The following UBE3D variants were observed in gnomAD, a reference collection of about 807,000 sequenced individuals.
The protein encoded by UBE3D is ubiquitin protein ligase E3D, also known as E3 ubiquitin-protein ligase E3D.
UBE3D carries 48 observed loss-of-function variants against 49.6 expected under a neutral mutation model. That is an observed-to-expected ratio of 0.97 (90% confidence interval 0.77 to 1.23). The LOEUF is 1.23. Among genes scored for constraint, UBE3D ranks in the 50% most tolerant of loss-of-function variants. The pLI is 0.00. For synonymous variants in UBE3D, 189 were observed against 174.2 expected, an observed-to-expected ratio of 1.08 and a Z score of -0.67; for missense variants, 452 against 468.4, an observed-to-expected ratio of 0.96 and a Z score of 0.32.
At chr6:82,884,211 T>A in the UBE3D span, among the ~76,000 whole-genome samples, 3 of 152,176 alleles carry the variant, frequency 2.0e-5, no homozygotes, top group Non-Finnish European at 2.9e-5. Flanking sequence ...AGGATCAACC[T>A]TCTCCTTCCA....
chr6:82,932,049 A>G (rs1774198272), intron 9 of UBE3D, among the ~76,000 whole-genome samples: 2 of 151,718 alleles, frequency 1.3e-5, no homozygotes, highest in South Asian at 4.2e-4. Flanking sequence ...TCCTACCTTC[A>G]CTCTCATTCT....
chr6:82,991,780 G>C (rs984990480), intron 8 of UBE3D, among the ~76,000 whole-genome samples: 1 of 152,108 alleles, frequency 6.6e-6, no homozygotes, highest in Admixed American at 6.5e-5. Flanking sequence ...ACCATCTTCT[G>C]ACCATTTCCT....
intron 1 of UBE3D, among the ~76,000 whole-genome samples, chr6:83,060,802 C>T (rs1048727796): frequency 6.6e-6 from 1 of 152,042 alleles, no homozygotes; most frequent in African/African-American, 2.4e-5. Flanking sequence ...CTTCCTTGGC[C>T]ACATCTGGTA....
At chr6:82,999,825 T>A (rs752710390) in intron 8 of UBE3D, among the ~76,000 whole-genome samples, 15 of 152,158 alleles carry the variant, frequency 9.9e-5, no homozygotes, top group Non-Finnish European at 2.1e-4. Flanking sequence ...GTTTGTCATA[T>A]CACCTCTCAT....
intron 1 of UBE3D, among the ~76,000 whole-genome samples, chr6:83,061,220 A>C (rs894728215): frequency 1.1e-4 from 17 of 152,244 alleles, no homozygotes; most frequent in African/African-American, 4.1e-4. Context: ...ATCATCTTGC[A>C]AAGTGTCAGG....
At chr6:83,049,715 A>G (rs1200070243) in intron 3 of UBE3D, 2 of 470,424 alleles carry the variant, frequency 4.3e-6, no homozygotes. Flanking sequence ...TTACCAGTGC[A>G]GGGAGAACAG....
At chr6:83,057,080 G>A (rs1188354573) in intron 2 of UBE3D, among the ~76,000 whole-genome samples, 1 of 152,116 alleles carries the variant, frequency 6.6e-6, no homozygotes, top group African/African-American at 2.4e-5. Context: ...AAATATAACA[G>A]GCATAGTAAA....
At chr6:83,009,217 T>C (rs985111444) in intron 8 of UBE3D, among the ~76,000 whole-genome samples, 2 of 152,176 alleles carry the variant, frequency 1.3e-5, no homozygotes, top group African/African-American at 4.8e-5. Flanking sequence ...AACTGGTACA[T>C]CCATGCTAGT....
intron 2 of UBE3D, among the ~76,000 whole-genome samples, 165 bp downstream of exon 2, chr6:83,057,661 A>T (rs1342079815): frequency 6.6e-6 from 1 of 152,220 alleles, no homozygotes; most frequent in Non-Finnish European, 1.5e-5. Flanking sequence ...AGAAAGGTTA[A>T]GTAACATGTT....
chr6:83,055,040 G>A (rs954295822), intron 2 of UBE3D, among the ~76,000 whole-genome samples: 3 of 152,034 alleles, frequency 2.0e-5, no homozygotes, highest in Non-Finnish European at 4.4e-5. Context: ...AATGTTTATT[G>A]GACACCTCCC....
intron 9 of UBE3D, among the ~76,000 whole-genome samples, chr6:82,955,933 G>A (rs528887762): frequency 6.6e-6 from 1 of 152,314 alleles, no homozygotes; most frequent in East Asian, 1.9e-4. Flanking sequence ...GTTGACCAAT[G>A]GGCAGCAAAT....
intron 9 of UBE3D, among the ~76,000 whole-genome samples, chr6:82,929,587 G>C (rs1046966621): frequency 6.6e-6 from 1 of 151,202 alleles, no homozygotes; most frequent in Non-Finnish European, 1.5e-5. Context: ...TGGTTGGGGG[G>C]GTGGGGAGTG....
At chr6:82,924,519 A>G (rs999174081) in intron 9 of UBE3D, among the ~76,000 whole-genome samples, 1 of 152,166 alleles carries the variant, frequency 6.6e-6, no homozygotes, top group African/African-American at 2.4e-5. Context: ...ACACTATTTT[A>G]CCTCTCAATT....
chr6:83,025,292 A>T (rs1449658906), intron 5 of UBE3D, among the ~76,000 whole-genome samples: 1 of 152,146 alleles, frequency 6.6e-6, no homozygotes, highest in Non-Finnish European at 1.5e-5. Flanking sequence ...ATTCTCACTA[A>T]ATCTGGTTAT....
intron 5 of UBE3D, chr6:83,032,401 CTTTGA>C (rs2127792154): frequency 2.6e-6 from 1 of 385,772 alleles, no homozygotes; most frequent in Admixed American, 3.0e-5. Flanking sequence ...CCTTTAGCCC[CTTTGA>C]TTTGGCCAAT....
Position 82,925,559 on chromosome 6 carries a change from A to T in UBE3D, c.1149+31753T>A, listed in dbSNP as rs777920412. On this transcript the variant is annotated intron_variant, in intron 9 of 9. Coordinates refer to ENST00000369747, the MANE Select transcript of UBE3D (RefSeq NM_198920.3). ...CTATCCTGTGGTGATCATGGAAGGG[A>T]AGTATCTGTCTTTCTGAGGACATCT... Among the ~76,000 whole-genome samples the T allele has an allele frequency of 3.9e-5, 6 of 152,114 alleles. No homozygotes were observed. In the South Asian group the frequency reaches 6.2e-4, roughly 16 times the overall value.
At chr6:82,941,539 T>C (rs1168472359) in intron 9 of UBE3D, among the ~76,000 whole-genome samples, 1 of 149,324 alleles carries the variant, frequency 6.7e-6, no homozygotes, top group Non-Finnish European at 1.5e-5. Context: ...TCTATCTATT[T>C]CTAGGAGCCC....
intron 3 of UBE3D, among the ~76,000 whole-genome samples, chr6:83,051,796 C>T (rs1783486734): frequency 6.6e-6 from 1 of 152,180 alleles, no homozygotes; most frequent in Non-Finnish European, 1.5e-5. Context: ...CACCTCATTT[C>T]TTACTCAAGA....
At chr6:82,914,948 A>G (rs568939768) in intron 9 of UBE3D, among the ~76,000 whole-genome samples, 20 of 152,218 alleles carry the variant, frequency 1.3e-4, no homozygotes, top group African/African-American at 4.8e-4. Flanking sequence ...TCACAGGATG[A>G]TCTTCATCCC....
Sources: gnomAD v4.1 joint callset for allele counts (sites outside exome capture counted in the v4.1 genomes callset) on GRCh38, gnomAD v4.1.1 for gene constraint, MANE v1.5 for transcripts, NCBI Gene and HGNC (gene_info 2026-07-23, HGNC 2026-07-21) for gene names.